NELL1: variants seen among roughly 807,000 people sequenced by gnomAD.
NELL1 encodes the protein protein kinase C-binding protein NELL1.
Under a neutral mutation model 107.4 loss-of-function variants are expected in NELL1, and 76 were observed. The observed-to-expected ratio is 0.71, with a 90% CI of 0.59 to 0.86. The LOEUF is 0.86. NELL1 is among the 40% of genes least tolerant of loss of function. The pLI is 0.00. For missense variants in NELL1, 1,024 were observed against 1,005.5 expected (o/e 1.02, Z -0.25); for synonymous variants, 353 against 341.2 (o/e 1.03, Z -0.38).
chr11:21,437,043 A>G (rs1254626909), intron 15 of NELL1, among the ~76,000 whole-genome samples: 6 of 152,182 alleles, frequency 3.9e-5, no homozygotes, highest in East Asian at 1.9e-4. Context: ...ATGGTCTATC[A>G]TGCATAATAT....
intron 15 of NELL1, among the ~76,000 whole-genome samples, chr11:21,445,090 C>A (rs1399798989): frequency 2.0e-5 from 3 of 152,008 alleles, no homozygotes; most frequent in Non-Finnish European, 4.4e-5. Context: ...TTTTTAACGT[C>A]TTATTGTTTG....
intron 13 of NELL1, among the ~76,000 whole-genome samples, chr11:21,185,379 C>G (rs981625494): frequency 6.8e-6 from 1 of 146,126 alleles, no homozygotes; most frequent in Non-Finnish European, 1.5e-5. Context: ...ACTGCAACCT[C>G]TGCCTCCCAG....
intron 14 of NELL1, among the ~76,000 whole-genome samples, chr11:21,268,557 T>G (rs1049580419): frequency 6.6e-6 from 1 of 152,120 alleles, no homozygotes; most frequent in African/African-American, 2.4e-5. Flanking sequence ...CTAACCAACC[T>G]GTCCCACCTG....
chr11:21,150,031 G>T (rs1468444197), intron 13 of NELL1, among the ~76,000 whole-genome samples: 1 of 152,040 alleles, frequency 6.6e-6, no homozygotes, highest in Non-Finnish European at 1.5e-5. Flanking sequence ...GAAAGAAACA[G>T]CCGTGCAAAA....
chr11:20,816,802 GATGTAT>G (rs1430964938), intron 3 of NELL1, among the ~76,000 whole-genome samples: 2 of 152,030 alleles, frequency 1.3e-5, no homozygotes. Context: ...TTATTACTTT[GATGTAT>G]ATTTTTTTCC....
rs1165680137 is a variant in NELL1 at position 20,980,457 on chromosome 11, T to C, written c.1300+19897T>C. Among the ~76,000 whole-genome samples the C allele has an allele frequency of 5.3e-5, 8 of 152,170 alleles. No homozygotes were observed. In the South Asian group the frequency reaches 1.0e-3, roughly 20 times the overall value. ...AGTTTCCTGATGAATTCTGCAAAAA[T>C]TCACTCTTCTCTAAGACCTCTTCTG... is the stretch of plus-strand genomic sequence containing the variant. On this transcript the variant is annotated intron_variant, in intron 12 of 19. Transcript: ENST00000357134.
At chr11:20,818,422 T>G (rs1857673848) in intron 3 of NELL1, among the ~76,000 whole-genome samples, 1 of 146,408 alleles carries the variant, frequency 6.8e-6, no homozygotes, top group African/African-American at 2.7e-5. Context: ...TTTTTTTTTT[T>G]TTTTTTTGTC....
chr11:21,150,355 C>A (rs985528146), intron 13 of NELL1, among the ~76,000 whole-genome samples: 2 of 152,194 alleles, frequency 1.3e-5, no homozygotes, highest in Non-Finnish European at 2.9e-5. Flanking sequence ...GGGCTTCAGG[C>A]TCTGACCTGT....
At chr11:21,219,499 A>G (rs796141452) in intron 13 of NELL1, among the ~76,000 whole-genome samples, 48 of 152,194 alleles carry the variant, frequency 3.2e-4, no homozygotes, top group African/African-American at 1.1e-3. Context: ...CCACTCACCT[A>G]TTTTTAGTTT....
intron 13 of NELL1, among the ~76,000 whole-genome samples, chr11:21,124,239 A>T (rs2133747016): frequency 6.6e-6 from 1 of 152,318 alleles, no homozygotes; most frequent in East Asian, 1.9e-4. Flanking sequence ...CAAAGGTGAC[A>T]TTGAGTTTTT....
intron 15 of NELL1, among the ~76,000 whole-genome samples, chr11:21,497,196 T>C (rs1855004023): frequency 6.8e-6 from 1 of 148,080 alleles, no homozygotes; most frequent in Admixed American, 6.7e-5. Context: ...TTAGGAGATA[T>C]ACCTAATGTA....
At chr11:20,715,272 G>T (rs1270752551) in intron 2 of NELL1, among the ~76,000 whole-genome samples, 2 of 146,818 alleles carry the variant, frequency 1.4e-5, no homozygotes, top group Non-Finnish European at 3.0e-5. Flanking sequence ...TCCTAGTGAG[G>T]ATGGATGACT....
chr11:21,088,796 C>T (rs1854458694), intron 12 of NELL1, among the ~76,000 whole-genome samples: 1 of 152,154 alleles, frequency 6.6e-6, no homozygotes, highest in Non-Finnish European at 1.5e-5. Context: ...TAGAGTGAGA[C>T]ATACCCCATC....
At chr11:21,487,321 A>G (rs1854659581) in intron 15 of NELL1, among the ~76,000 whole-genome samples, 1 of 152,188 alleles carries the variant, frequency 6.6e-6, no homozygotes, top group Non-Finnish European at 1.5e-5. Flanking sequence ...GTGCTGAAAG[A>G]ATAAACTGAC....
intron 3 of NELL1, among the ~76,000 whole-genome samples, chr11:20,828,633 C>A (rs529220267): frequency 1.3e-5 from 2 of 152,300 alleles, no homozygotes; most frequent in African/African-American, 4.8e-5. Flanking sequence ...TGACTTCTGC[C>A]TGCCTTCTGG....
chr11:20,801,023 C>G (rs922213156), intron 3 of NELL1, among the ~76,000 whole-genome samples: 2 of 152,142 alleles, frequency 1.3e-5, no homozygotes, highest in African/African-American at 4.8e-5. Flanking sequence ...AAAAATCCAG[C>G]TTTCCACCTT....
At chr11:21,290,946 T>C (rs555715688) in intron 14 of NELL1, among the ~76,000 whole-genome samples, 24 of 152,198 alleles carry the variant, frequency 1.6e-4, no homozygotes, top group African/African-American at 5.8e-4. Context: ...CCCCAAAGCA[T>C]CACAGCTCCT....
At chr11:21,440,004 G>A (rs1853237226) in intron 15 of NELL1, among the ~76,000 whole-genome samples, 1 of 151,994 alleles carries the variant, frequency 6.6e-6, no homozygotes, top group African/African-American at 2.4e-5. Context: ...ATTCTACCAA[G>A]GAAAGGCATG....
intron 15 of NELL1, among the ~76,000 whole-genome samples, chr11:21,428,842 A>C (rs1852896058): frequency 6.6e-6 from 1 of 152,228 alleles, no homozygotes; most frequent in African/African-American, 2.4e-5. Flanking sequence ...AGTTCTGGAA[A>C]GTGTGAAAGG....
Sources: gnomAD v4.1 joint callset for allele counts (sites outside exome capture counted in the v4.1 genomes callset) on GRCh38, gnomAD v4.1.1 for gene constraint, MANE v1.5 for transcripts, NCBI Gene and HGNC (gene_info 2026-07-23, HGNC 2026-07-21) for gene names.